HIVEP3: variants seen among roughly 807,000 people sequenced by gnomAD.
HIVEP3 encodes transcription factor HIVEP3.
HIVEP3 carries 49 observed loss-of-function variants against 152.8 expected under a neutral mutation model. The ratio of observed to expected loss-of-function variants is 0.32; its 90% confidence interval spans 0.26 to 0.41. The LOEUF (loss-of-function observed/expected upper bound fraction) is 0.41. Ranked by LOEUF, HIVEP3 falls within the 10% of genes least tolerant of loss-of-function variation. The pLI is 1.00. For synonymous variants in HIVEP3, 1,269 were observed against 1,289.0 expected (o/e 0.98, Z 0.33); for missense variants, 2,790 against 3,103.3 (o/e 0.90, Z 2.40).
chr1:41,602,097 T>C (rs1486318115), intron 3 of HIVEP3, among the ~76,000 whole-genome samples: 2 of 152,280 alleles, frequency 1.3e-5, no homozygotes, highest in African/African-American at 4.8e-5. Flanking sequence ...TAAATCCCAC[T>C]TGGTCATGGT....
In HIVEP3 at chr1:41,752,867, C is replaced by T. The variant is rs889166420; in HGVS notation, c.-800-51872G>A. On this transcript the variant is annotated intron_variant, in intron 1 of 8. Coordinates refer to ENST00000372583, the MANE Select transcript of HIVEP3 (RefSeq NM_024503.5). ...TAAATAATCTGGCGTCCCTTCTCTC[C>T]GCTGGACAATCTCAGTGCTCACTTT... 1.3e-4 allele frequency among the ~76,000 whole-genome samples: 20 copies of T among 152,218 alleles called. 1 individual carries two copies. Among genetic ancestry groups the T allele is most frequent in the South Asian group, 6.2e-4 (3 of 4,830 alleles).
At chr1:41,899,058 T>C (rs1269035055) in intron 1 of HIVEP3, among the ~76,000 whole-genome samples, 2 of 152,196 alleles carry the variant, frequency 1.3e-5, no homozygotes, top group South Asian at 2.1e-4. Context: ...CCTTGTAGCA[T>C]CAATGAGGAA....
At chr1:41,996,250 G>A (rs140526930) in intron 1 of HIVEP3, among the ~76,000 whole-genome samples, 31 of 152,064 alleles carry the variant, frequency 2.0e-4, no homozygotes, top group African/African-American at 6.5e-4. Context: ...ATAGCTGAGC[G>A]TGGTGGTGTA....
chr1:41,945,681 G>A (rs895860894), intron 1 of HIVEP3, among the ~76,000 whole-genome samples: 7 of 152,118 alleles, frequency 4.6e-5, no homozygotes, highest in Admixed American at 6.5e-5. Context: ...GATTGGTGCC[G>A]CAGACATTTG....
At chr1:41,667,251 G>A (rs1285128808) in intron 2 of HIVEP3, among the ~76,000 whole-genome samples, 1 of 152,196 alleles carries the variant, frequency 6.6e-6, no homozygotes, top group Non-Finnish European at 1.5e-5. Context: ...GTTAACACAC[G>A]GCTGCTCTGA....
chr1:41,917,932 A>G (rs1379962709), intron 1 of HIVEP3, among the ~76,000 whole-genome samples: 1 of 152,212 alleles, frequency 6.6e-6, no homozygotes, highest in Admixed American at 6.5e-5. Context: ...CAGTCCGCCT[A>G]AACAATCCGG....
intron 1 of HIVEP3, among the ~76,000 whole-genome samples, chr1:41,858,329 A>G (rs1570681792): frequency 6.6e-6 from 1 of 152,160 alleles, no homozygotes; most frequent in African/African-American, 2.4e-5. Context: ...ATTTGAGTGT[A>G]CCTGCCTATG....
At chr1:41,872,027 T>G (rs1030987361) in intron 1 of HIVEP3, among the ~76,000 whole-genome samples, 1 of 152,208 alleles carries the variant, frequency 6.6e-6, no homozygotes, top group Non-Finnish European at 1.5e-5. Context: ...TTTTGACAAA[T>G]GTATATACCC....
intron 1 of HIVEP3, among the ~76,000 whole-genome samples, chr1:41,988,165 T>C (rs987083792): frequency 6.6e-6 from 1 of 152,180 alleles, no homozygotes; most frequent in Non-Finnish European, 1.5e-5. Context: ...TTCTTGACAC[T>C]GGATTTGGTA....
Position 41,841,916 on chromosome 1 carries a change from C to A in HIVEP3, c.-801+76497G>T, listed in dbSNP as rs114004537. Among the ~76,000 whole-genome samples the A allele has an allele frequency of 1.1e-3, 174 of 151,930 alleles. 1 individual carries two copies. Among genetic ancestry groups the A allele is most frequent in the African/African-American group, 3.9e-3 (162 of 41,422 alleles). ...ACCAGTCTGGCCAACATGGTGAAAT[C>A]CCCCCATCTCTACTAAAAATACAAA... On this transcript the variant is annotated intron_variant, in intron 1 of 8. Coordinates refer to ENST00000372583, the MANE Select transcript of HIVEP3 (RefSeq NM_024503.5).
Position 41,643,890 on chromosome 1 carries a change from C to CTTT in HIVEP3, c.-720-14946_-720-14944dup, listed in dbSNP as rs58838768. On this transcript the variant is annotated intron_variant, in intron 2 of 8. Coordinates refer to ENST00000372583, the MANE Select transcript of HIVEP3 (RefSeq NM_024503.5). ...CAAATTGTGTCTGCCTTCCCATCCTCTTTTTTTTTTTTTTTTGACAGGGTC... is the reference window on the plus strand; with the variant it reads ...CAAATTGTGTCTGCCTTCCCATCCTCTTTTTTTTTTTTTTTTTTTGACAGGGTC... Among the ~76,000 whole-genome samples, 11 of 71,980 alleles carry CTTT rather than the reference C, an allele frequency of 1.5e-4. 1 individual carries two copies. Among genetic ancestry groups the CTTT allele is most frequent in the African/African-American group, 6.1e-4 (10 of 16,314 alleles). The allele number at this position is 71,980 out of a possible 152,430, so 47.2% of individuals were successfully genotyped here.
chr1:42,023,124 A>C (rs960751446), intron 1 of HIVEP3, among the ~76,000 whole-genome samples: 1 of 152,148 alleles, frequency 6.6e-6, no homozygotes, highest in Admixed American at 6.5e-5. Context: ...CTCATGCCTC[A>C]GCCTCCCAAG....
chr1:41,639,894 CCAGT>C (rs1645346475), intron 2 of HIVEP3, among the ~76,000 whole-genome samples: 1 of 152,082 alleles, frequency 6.6e-6, no homozygotes, highest in Non-Finnish European at 1.5e-5. Context: ...GCAATGGAGC[CCAGT>C]CATTGATAGC....
chr1:41,816,513 C>T (rs964654040), intron 1 of HIVEP3, among the ~76,000 whole-genome samples: 5 of 147,078 alleles, frequency 3.4e-5, no homozygotes, highest in African/African-American at 1.2e-4. Context: ...ATGGTGAAAC[C>T]CCATCTCTAC....
chr1:41,979,893 GA>G, intron 1 of HIVEP3, among the ~76,000 whole-genome samples: 1 of 152,314 alleles, frequency 6.6e-6, no homozygotes, highest in South Asian at 2.1e-4. Flanking sequence ...ATGGGAGCAG[GA>G]ATATGAATAC....
At chr1:41,859,142 G>T (rs948229725) in intron 1 of HIVEP3, among the ~76,000 whole-genome samples, 1 of 152,142 alleles carries the variant, frequency 6.6e-6, no homozygotes, top group Admixed American at 6.5e-5. Context: ...GCACACAGTT[G>T]GCATCAACAA....
chr1:41,814,975 C>T (rs888493300), intron 1 of HIVEP3, among the ~76,000 whole-genome samples: 3 of 152,168 alleles, frequency 2.0e-5, no homozygotes, highest in African/African-American at 7.2e-5. Flanking sequence ...GATAAGGTTC[C>T]TGCTAAAATC....
At chr1:41,761,700 T>A (rs2124247000) in intron 1 of HIVEP3, among the ~76,000 whole-genome samples, 2 of 152,306 alleles carry the variant, frequency 1.3e-5, no homozygotes, top group East Asian at 3.9e-4. Context: ...TAAGTGTGTG[T>A]GTGCATGTAT....
chr1:41,901,398 G>A (rs114304545), intron 1 of HIVEP3, among the ~76,000 whole-genome samples: 3,305 of 152,138 alleles, frequency 0.022, 65 homozygotes, highest in Middle Eastern at 0.027. Flanking sequence ...TAACACCAGG[G>A]GACGTGACAC....
Sources: gnomAD v4.1 joint callset for allele counts (sites outside exome capture counted in the v4.1 genomes callset) on GRCh38, gnomAD v4.1.1 for gene constraint, MANE v1.5 for transcripts, NCBI Gene and HGNC (gene_info 2026-07-23, HGNC 2026-07-21) for gene names.